Variants in RMC1 observed in about 807,000 individuals in gnomAD.
RMC1 encodes the protein regulator of MON1-CCZ1, also known as regulator of MON1-CCZ1 complex.
Under a neutral mutation model 95.5 loss-of-function variants are expected in RMC1, and 44 were observed. That is an observed-to-expected ratio of 0.46 (90% CI 0.36 to 0.59). The LOEUF (loss-of-function observed/expected upper bound fraction) is 0.59, where lower values mean the gene tolerates loss of function less well. Ranked by LOEUF, RMC1 falls within the 20% of genes least tolerant of loss-of-function variation. The probability of loss-of-function intolerance (pLI) is 0.00; values close to 1 mark genes in which losing one functional copy is unlikely to be tolerated. For synonymous variants in RMC1, 320 were observed against 303.6 expected, an observed-to-expected ratio of 1.05 and a Z score of -0.56; for missense variants, 705 against 819.6, an observed-to-expected ratio of 0.86 and a Z score of 1.71.
At chr18:23,514,100 G>C (rs898813030) in intron 5 of RMC1, among the ~76,000 whole-genome samples, 1 of 152,156 alleles carries the variant, frequency 6.6e-6, no homozygotes, top group Non-Finnish European at 1.5e-5. Context: ...GGTGTTAAGA[G>C]TTCTTTCAGG....
At position 23,530,528 on chromosome 18, in the gene RMC1, G is replaced by A. The variant is rs2058461070; in HGVS notation, c.1810G>A (p.Glu604Lys). 6.2e-7 allele frequency: 1 copy of A among 1,614,144 alleles called. No individual in the cohort carries two copies. The highest frequency in any genetic ancestry group is 1.1e-5 in the South Asian group (1 of 91,094). Reference protein sequence around the residue: ...RKFLDAAKQTEDNMLFYTIFR... With the variant: ...RKFLDAAKQTKDNMLFYTIFR... ...ATTTTTAGATGCTGCAAAGCAGACT[G>A]AAGACAACATGCTTTTCTATACAAT... The change falls in exon 19 of 20, where the codon GAA (glutamate) becomes AAA (lysine). Residue 604 changes from glutamate to lysine, a missense_variant. Glu to Lys is a moderately conservative substitution (Grantham distance 56). Transcript: ENST00000269221.
intron 2 of RMC1, 94 bp from the exon 3 acceptor site, chr18:23,506,876 C>T: frequency 1.2e-6 from 1 of 859,980 alleles, no homozygotes. Context: ...AATTTGCTGC[C>T]TCCTGAATAT....
rs757657866 is a variant in RMC1 at position 23,519,181 on chromosome 18, GCTGT to G, written c.849+11_849+14del. The G allele has an allele frequency of 3.7e-6, 6 of 1,610,648 alleles. No individual in the cohort carries two copies. In the Admixed American group the frequency reaches 6.7e-5, roughly 18 times the overall value. ...GCATCATCAGGATACAGAGGTACAA[GCTGT>G]CTGCGTTTCTACCAAAGTTAAGGTT... On this transcript the variant is annotated splice_region_variant and intron_variant, in intron 9 of 19. Transcript: ENST00000269221.
At chr18:23,529,567 T>C in intron 15 of RMC1, 68 bp from the exon 16 acceptor site, 2 of 1,410,794 alleles carry the variant, frequency 1.4e-6, no homozygotes, top group Non-Finnish European at 2.0e-6. Context: ...GGGGGTTGGA[T>C]AGAGAGTTAT....
At chr18:23,527,611 T>TA (rs1555628919) in intron 13 of RMC1, among the ~76,000 whole-genome samples, 184 bp from the exon 14 acceptor site, 10 of 150,624 alleles carry the variant, frequency 6.6e-5, no homozygotes, top group Non-Finnish European at 1.0e-4. Context: ...TTTTTTTTTT[T>TA]AACCGTAACC....
chr18:23,531,421 A>G, intron 19 of RMC1: 3 of 1,103,150 alleles, frequency 2.7e-6, no homozygotes, highest in South Asian at 3.9e-5. Context: ...TTTAGTTACC[A>G]TAAGGACAGG....
rs1189897540 is a variant in RMC1 at position 23,530,136 on chromosome 18, T to C, written c.1599+4T>C. 2 of 1,614,010 alleles carry C rather than the reference T, an allele frequency of 1.2e-6. No homozygotes were observed. The highest frequency in any genetic ancestry group is 1.7e-5 in the Admixed American group (1 of 60,030). On this transcript the variant is annotated splice_donor_region_variant and intron_variant, in intron 17 of 19. Transcript: ENST00000269221. ...CCTCAGCGACTCCAAACCTTTGGTATGCATTGCCAGATTTTTACTTCCATT... is the reference window on the plus strand; with the variant it reads ...CCTCAGCGACTCCAAACCTTTGGTACGCATTGCCAGATTTTTACTTCCATT...
chr18:23,524,265 AATAAC>A (rs2058229444), intron 11 of RMC1, 91 bp downstream of exon 11: 3 of 1,546,464 alleles, frequency 1.9e-6, no homozygotes, highest in Non-Finnish European at 2.7e-6. Context: ...GGCAGCTGTG[AATAAC>A]ACTCCGAGAG....
chr18:23,504,758 C>T (rs1036861128), intron 2 of RMC1: 4 of 237,746 alleles, frequency 1.7e-5, no homozygotes, highest in East Asian at 9.3e-5. Context: ...CAGAGGAGGG[C>T]GTTCATTTCT....
intron 19 of RMC1, 52 bp downstream of exon 19, chr18:23,530,664 G>A: frequency 2.6e-6 from 4 of 1,550,408 alleles, no homozygotes; most frequent in Non-Finnish European, 3.5e-6. Flanking sequence ...AAGAGTAGCA[G>A]AGGGCACTGG....
chr18:23,523,438 C>T (rs913639822), intron 10 of RMC1, among the ~76,000 whole-genome samples: 5 of 144,018 alleles, frequency 3.5e-5, no homozygotes, highest in African/African-American at 1.3e-4. Flanking sequence ...TGGCTGGGCA[C>T]AGTGGCTCAT....
At chr18:23,531,398 A>G (rs2058500022) in intron 19 of RMC1, 3 of 810,110 alleles carry the variant, frequency 3.7e-6, no homozygotes, top group Non-Finnish European at 5.3e-6. Flanking sequence ...TTCTAGCTCA[A>G]TGTAAGACGG....
chr18:23,510,640 C>G (rs932767338), intron 5 of RMC1, among the ~76,000 whole-genome samples: 6 of 151,528 alleles, frequency 4.0e-5, no homozygotes, highest in Admixed American at 6.6e-5. Flanking sequence ...GAGCGAGACT[C>G]CGTCTCAAAA....
intron 9 of RMC1, 99 bp from the exon 10 acceptor site, chr18:23,520,102 AG>A: frequency 1.2e-6 from 1 of 862,236 alleles, no homozygotes; most frequent in Non-Finnish European, 1.9e-6. Flanking sequence ...ATGCAAACAC[AG>A]GCTTTTAAAC....
At chr18:23,509,337 C>A (rs533183865) in intron 5 of RMC1, 58 bp downstream of exon 5, 1 of 767,422 alleles carries the variant, frequency 1.3e-6, no homozygotes. Flanking sequence ...ATTCTGGCAG[C>A]CTTTTGAATT....
At chr18:23,517,274 CGAG>C (rs2058033363) in intron 7 of RMC1, among the ~76,000 whole-genome samples, 1 of 151,836 alleles carries the variant, frequency 6.6e-6, no homozygotes, top group South Asian at 2.1e-4. Flanking sequence ...CTCAGCCTCC[CGAG>C]TAGCTGGGAC....
intron 11 of RMC1, 100 bp downstream of exon 11, chr18:23,524,274 C>A: frequency 6.6e-7 from 1 of 1,510,618 alleles, no homozygotes; most frequent in Non-Finnish European, 9.2e-7. Context: ...GAATAACACT[C>A]CGAGAGCCAC....
intron 10 of RMC1, 43 bp downstream of exon 10, chr18:23,520,356 A>G (rs1194876823): frequency 2.0e-6 from 3 of 1,473,308 alleles, no homozygotes; most frequent in South Asian, 2.3e-5. Flanking sequence ...CCCTTTCACC[A>G]TGTGGCTGTG....
intron 5 of RMC1, among the ~76,000 whole-genome samples, chr18:23,514,083 T>C (rs1001876470): frequency 6.6e-6 from 1 of 152,238 alleles, no homozygotes. Flanking sequence ...GGGGAACTAA[T>C]TTAGAGGGTG....
Sources: allele counts gnomAD v4.1 joint callset (sites outside exome capture counted in the v4.1 genomes callset), GRCh38; gene constraint gnomAD v4.1.1; transcripts MANE v1.5; gene names NCBI Gene and HGNC (gene_info 2026-07-23, HGNC 2026-07-21).